The following LPP variants were observed in gnomAD, a reference collection of about 807,000 sequenced individuals.
LPP encodes LIM domain containing preferred translocation partner in lipoma, also known as lipoma-preferred partner.
A neutral mutation model predicts 60.4 loss-of-function variants in LPP; 38 were observed. The observed-to-expected ratio is 0.63, with a 90% CI of 0.49 to 0.83. The LOEUF (loss-of-function observed/expected upper bound fraction) is 0.83, where lower values mean the gene tolerates loss of function less well. Ranked by LOEUF, LPP falls within the 40% of genes least tolerant of loss-of-function variation. LPP has a pLI of 0.00. For synonymous variants in LPP, 328 were observed against 290.8 expected, an observed-to-expected ratio of 1.13 and a Z score of -1.30; for missense variants, 902 against 783.6, an observed-to-expected ratio of 1.15 and a Z score of -1.80.
At chr3:188,659,698 G>A (rs1854126351) in intron 7 of LPP, among the ~76,000 whole-genome samples, 1 of 151,988 alleles carries the variant, frequency 6.6e-6, no homozygotes, top group African/African-American at 2.4e-5. Flanking sequence ...GCTTGGCAAG[G>A]GATCTTGCTA....
At chr3:188,793,009 G>A (rs566756637) in intron 9 of LPP, among the ~76,000 whole-genome samples, 3 of 152,252 alleles carry the variant, frequency 2.0e-5, no homozygotes, top group African/African-American at 7.2e-5. Flanking sequence ...GAGTCAGTAT[G>A]CCTCCAGTCC....
At chr3:188,711,378 A>T (rs1002557967) in intron 8 of LPP, 4 of 152,222 alleles carry the variant, frequency 2.6e-5, no homozygotes, top group African/African-American at 9.7e-5. Flanking sequence ...AAGGCACAGA[A>T]ATATTAATTT....
At chr3:188,826,084 G>A (rs964577954) in intron 9 of LPP, among the ~76,000 whole-genome samples, 10 of 152,176 alleles carry the variant, frequency 6.6e-5, no homozygotes, top group East Asian at 1.9e-4. Context: ...AACTCATACC[G>A]GATAGCCTGT....
intron 8 of LPP, among the ~76,000 whole-genome samples, chr3:188,741,786 A>G (rs1486698118): frequency 2.6e-5 from 4 of 152,062 alleles, no homozygotes; most frequent in Non-Finnish European, 1.5e-5. Context: ...GTTAAAAATG[A>G]TAAATTTGAT....
chr3:188,859,636 G>A (rs750310826), intron 9 of LPP, among the ~76,000 whole-genome samples: 4 of 152,152 alleles, frequency 2.6e-5, no homozygotes, highest in Non-Finnish European at 5.9e-5. Flanking sequence ...TAAGTGAGGA[G>A]GCAGCTCTGC....
intron 4 of LPP, among the ~76,000 whole-genome samples, chr3:188,409,709 G>A (rs1784455739): frequency 6.6e-6 from 1 of 152,150 alleles, no homozygotes; most frequent in Admixed American, 6.5e-5. Flanking sequence ...CTTTTAGAGT[G>A]TACTTGTCCC....
chr3:188,523,790 G>A (rs1423778417), intron 5 of LPP, among the ~76,000 whole-genome samples: 2 of 152,192 alleles, frequency 1.3e-5, no homozygotes, highest in Admixed American at 6.5e-5. Flanking sequence ...TCTTAATGAA[G>A]TTTTAAGAGC....
intron 3 of LPP, among the ~76,000 whole-genome samples, chr3:188,350,082 C>A (rs895703025): frequency 4.6e-5 from 7 of 152,192 alleles, no homozygotes; most frequent in Non-Finnish European, 8.8e-5. Context: ...GGCAACATGG[C>A]ATGTTTTAGA....
intron 4 of LPP, among the ~76,000 whole-genome samples, chr3:188,463,152 G>T (rs1051679049): frequency 1.3e-5 from 2 of 152,020 alleles, no homozygotes; most frequent in African/African-American, 4.8e-5. Context: ...TTCATTTGTG[G>T]TGTCTCTTTT....
chr3:188,594,904 C>T (rs1839688391), intron 6 of LPP, among the ~76,000 whole-genome samples: 1 of 152,032 alleles, frequency 6.6e-6, no homozygotes, highest in Admixed American at 6.6e-5. Context: ...ACATATAGGA[C>T]TTTTATCATG....
At position 188,389,086 on chromosome 3, in the gene LPP, T is replaced by C. The variant is rs557415016; in HGVS notation, c.-9-17026T>C. ...AGCATTTCATGGCTATTTTAATTTA[T>C]ATTTCCCTGATTATTATTTAAGTTG... On this transcript the variant is annotated intron_variant, in intron 3 of 11. Transcript: ENST00000617246. Among the ~76,000 whole-genome samples, 13 of 152,288 alleles carry C rather than the reference T, an allele frequency of 8.5e-5. No individual in the cohort carries two copies. The South Asian group carries it at 2.5e-3, about 29-fold the overall frequency.
chr3:188,699,962 A>T (rs1489286941), intron 7 of LPP, among the ~76,000 whole-genome samples: 1 of 152,246 alleles, frequency 6.6e-6, no homozygotes, highest in African/African-American at 2.4e-5. Context: ...GAACGAAAAT[A>T]TCAGAAATAT....
In LPP at chr3:188,884,470, G is replaced by C. The variant is rs1038402233; in HGVS notation, c.*9991G>C. 1.7e-5 allele frequency: 4 copies of C among 229,168 alleles called. No individual in the cohort carries two copies. Among genetic ancestry groups the C allele is most frequent in the Admixed American group, 5.7e-5 (1 of 17,630 alleles). 14.2% of individuals were successfully genotyped at this position (229,168 alleles called of 1,614,324 possible). On this transcript the variant is annotated 3_prime_UTR_variant, in exon 12 of 12. Transcript: ENST00000617246. ...AGCTTGCACACATCTGTGTCTTCTTGTGGGAAACCTCTAGGTATTCTGTCT... is the reference window on the plus strand; with the variant it reads ...AGCTTGCACACATCTGTGTCTTCTTCTGGGAAACCTCTAGGTATTCTGTCT...
chr3:188,338,732 C>T (rs967438340), intron 2 of LPP, among the ~76,000 whole-genome samples: 2 of 152,034 alleles, frequency 1.3e-5, no homozygotes, highest in African/African-American at 4.8e-5. Flanking sequence ...TTATAAGATA[C>T]TCTTATATTG....
chr3:188,721,716 ATTTTTTC>A (rs1716481474), intron 8 of LPP, among the ~76,000 whole-genome samples: 1 of 152,048 alleles, frequency 6.6e-6, no homozygotes, highest in African/African-American at 2.4e-5. Flanking sequence ...ATAAAGCATA[ATTTTTTC>A]TTTTTTCTTT....
At chr3:188,375,021 G>A (rs1038095638) in intron 3 of LPP, among the ~76,000 whole-genome samples, 2 of 152,162 alleles carry the variant, frequency 1.3e-5, no homozygotes, top group African/African-American at 2.4e-5. Flanking sequence ...ATTGATTTGT[G>A]TATGTTGAAC....
At position 188,791,534 on chromosome 3, in the gene LPP, T is replaced by C. The variant is rs373081241; in HGVS notation, c.1410+31252T>C. ...CAATTAAGTGACTGAGATGAAATGCTTTTGTATCTCTCTAGCCTCATTTCT... is the reference window on the plus strand; with the variant it reads ...CAATTAAGTGACTGAGATGAAATGCCTTTGTATCTCTCTAGCCTCATTTCT... On this transcript the variant is annotated intron_variant, in intron 9 of 11. Coordinates refer to ENST00000617246, the MANE Select transcript of LPP (RefSeq NM_001375462.1). Among the ~76,000 whole-genome samples the C allele has an allele frequency of 2.6e-5, 4 of 152,212 alleles. No individual in the cohort carries two copies. The East Asian group carries it at 5.8e-4, about 22-fold the overall frequency.
At chr3:188,201,872 C>T (rs1010635488) in intron 1 of LPP, among the ~76,000 whole-genome samples, 3 of 151,962 alleles carry the variant, frequency 2.0e-5, no homozygotes, top group Non-Finnish European at 4.4e-5. Context: ...TCATCTCATT[C>T]CTGTTGAAGA....
chr3:188,658,497 C>G (rs1377118866), intron 7 of LPP, among the ~76,000 whole-genome samples: 2 of 152,102 alleles, frequency 1.3e-5, no homozygotes, highest in Non-Finnish European at 1.5e-5. Context: ...ACATACCCTC[C>G]GTGCTTCTCC....
Sources: gnomAD v4.1 joint callset for allele counts (sites outside exome capture counted in the v4.1 genomes callset) on GRCh38, gnomAD v4.1.1 for gene constraint, MANE v1.5 for transcripts, NCBI Gene and HGNC (gene_info 2026-07-23, HGNC 2026-07-21) for gene names.